The following VIPR1 variants were observed in gnomAD, a reference collection of about 807,000 sequenced individuals.
The protein encoded by VIPR1 is vasoactive intestinal polypeptide receptor 1.
VIPR1 carries 59 observed loss-of-function variants against 58.8 expected under a neutral mutation model. The observed-to-expected ratio is 1.00, with a 90% CI of 0.81 to 1.25. The LOEUF (loss-of-function observed/expected upper bound fraction) is 1.25. Ranked by LOEUF, VIPR1 falls within the 50% of genes most tolerant of loss-of-function variation. The probability of loss-of-function intolerance (pLI) is 0.00; values close to 1 mark genes in which losing one functional copy is unlikely to be tolerated. For missense variants in VIPR1, 626 were observed against 602.7 expected, an observed-to-expected ratio of 1.04 and a Z score of -0.40; for synonymous variants, 251 against 242.1, an observed-to-expected ratio of 1.04 and a Z score of -0.34.
At chr3:42,489,746 A>G (rs1313694236) in intron 1 of VIPR1, 1 of 152,396 alleles carries the variant, frequency 6.6e-6, no homozygotes, top group Non-Finnish European at 1.5e-5. Context: ...TTCCCCATGC[A>G]TTGGCACTCC....
At position 42,536,700 on chromosome 3, in the gene VIPR1, G is replaced by T. The variant is rs182810678; in HGVS notation, c.*419G>T. On this transcript the variant is annotated 3_prime_UTR_variant, in exon 13 of 13. Transcript: ENST00000325123. ...GGGCAGAAAGGTTCTGCCCGGGAAG[G>T]TCACCAGCACCAACACCACGGTAGT... 6.0e-6 allele frequency: 1 copy of T among 166,342 alleles called. No homozygotes were observed. Among genetic ancestry groups the T allele is most frequent in the Non-Finnish European group, 1.3e-5 (1 of 77,860 alleles). The allele number at this position is 166,342 out of a possible 1,614,324, so 10.3% of individuals were successfully genotyped here.
At chr3:42,508,424 T>G (rs979280242) in intron 1 of VIPR1, among the ~76,000 whole-genome samples, 1 of 152,210 alleles carries the variant, frequency 6.6e-6, no homozygotes, top group African/African-American at 2.4e-5. Flanking sequence ...GAGGGGCTAC[T>G]ACTTCCAGGG....
Position 42,531,310 on chromosome 3 carries a change from C to T in VIPR1, c.791-161C>T, listed in dbSNP as rs370198946. 1.3e-4 allele frequency: 98 copies of T among 732,190 alleles called. No homozygotes were observed. The East Asian group carries it at 1.9e-3, about 14-fold the overall frequency. The allele number at this position is 732,190 out of a possible 1,614,324, so 45.4% of individuals were successfully genotyped here. A position where few individuals can be genotyped will look rare whatever the true frequency, so the allele number is the denominator to read the frequency against. ...GCTTCACCCCCTCAGTGGAGCATCC[C>T]TCCGTGGTGAACAACCTATGCAACC... is the stretch of plus-strand genomic sequence containing the variant. On this transcript the variant is annotated intron_variant, in intron 7 of 12. Transcript: ENST00000325123.
chr3:42,493,860 C>A (rs1240016581), intron 1 of VIPR1, among the ~76,000 whole-genome samples: 7 of 152,216 alleles, frequency 4.6e-5, no homozygotes, highest in Non-Finnish European at 1.0e-4. Flanking sequence ...CAATGGGAGC[C>A]CAGACTCTGG....
rs751487490 is a variant in VIPR1, at chr3:42,525,873, T to A, written c.293-14T>A. 1 of 1,597,694 alleles carries A rather than the reference T, an allele frequency of 6.3e-7. No individual in the cohort carries two copies. The highest frequency in any genetic ancestry group is 8.5e-7 in the Non-Finnish European group (1 of 1,172,528). On this transcript the variant is annotated splice_polypyrimidine_tract_variant and intron_variant, in intron 3 of 12. Transcript: ENST00000325123. ...CGGCCTCAGCCTTTGTCCTTGCCCC[T>A]GCCCTCCACCCAGGCCGCAATGTAA... is the stretch of plus-strand genomic sequence containing the variant.
At chr3:42,490,196 C>A (rs879663855) in intron 1 of VIPR1, among the ~76,000 whole-genome samples, 18 of 152,156 alleles carry the variant, frequency 1.2e-4, no homozygotes, top group Non-Finnish European at 2.1e-4. Context: ...GGCCTACCCC[C>A]AAAGAAGGGG....
At chr3:42,524,606 C>G (rs57221862) in intron 3 of VIPR1, among the ~76,000 whole-genome samples, 1,775 of 152,260 alleles carry the variant, frequency 0.012, 38 homozygotes, top group African/African-American at 0.041. Flanking sequence ...GGAGGATTTA[C>G]AGAAATGGTG....
In VIPR1 at chr3:42,532,310, G is replaced by C; in HGVS notation, c.987G>C (p.Arg329Ser). The C allele has an allele frequency of 6.2e-7, 1 of 1,614,112 alleles. No homozygotes were observed. Among genetic ancestry groups the C allele is most frequent in the Non-Finnish European group, 8.5e-7 (1 of 1,180,030 alleles). The change falls in exon 10 of 13, where the codon AGG becomes AGC. Residue 329 changes from arginine (R) to serine (S), a missense_variant. Arg to Ser is a moderately radical substitution (Grantham distance 110). Coordinates refer to ENST00000325123, the MANE Select transcript of VIPR1 (RefSeq NM_004624.4). Reference sequence around the variant, plus strand: ...AGAAACTGCGGCCCCCAGATATCAGGAAGAGTGACAGCAGTCCATACTCGT... The same window carrying C: ...AGAAACTGCGGCCCCCAGATATCAGCAAGAGTGACAGCAGTCCATACTCGT... Reference protein sequence around the residue: ...LLQKLRPPDIRKSDSSPYSRL... With the variant: ...LLQKLRPPDISKSDSSPYSRL...
chr3:42,526,991 C>T (rs950913455), intron 4 of VIPR1, among the ~76,000 whole-genome samples: 6 of 152,112 alleles, frequency 3.9e-5, no homozygotes, highest in South Asian at 2.1e-4. Context: ...GACAGGGCCT[C>T]GAGGGGTGTC....
chr3:42,531,438 T>C, intron 7 of VIPR1, 33 bp from the exon 8 acceptor site: 1 of 1,557,900 alleles, frequency 6.4e-7, no homozygotes, highest in Non-Finnish European at 8.7e-7. Flanking sequence ...TCCTGTGCCC[T>C]CTCTGCTCTT....
intron 2 of VIPR1, among the ~76,000 whole-genome samples, chr3:42,518,006 CT>C (rs918601954): frequency 9.4e-5 from 14 of 148,560 alleles, no homozygotes; most frequent in African/African-American, 1.2e-4. Context: ...GCATCTAGTT[CT>C]TTTTTTTTTG....
In VIPR1 at chr3:42,536,400, G is replaced by T; in HGVS notation, c.*119G>T. On this transcript the variant is annotated 3_prime_UTR_variant, in exon 13 of 13. Coordinates refer to ENST00000325123, the MANE Select transcript of VIPR1 (RefSeq NM_004624.4). ...AGCCCCGGCCCTGGGCTCGGAGGCT[G>T]CCCCCGGCCCCCTGGTCTCTGGTCC... The T allele has an allele frequency of 9.1e-7, 1 of 1,095,880 alleles. No individual in the cohort carries two copies. The highest frequency in any genetic ancestry group is 1.7e-5 in the South Asian group (1 of 57,878). 67.9% of individuals were successfully genotyped at this position (1,095,880 alleles called of 1,614,324 possible).
Position 42,528,002 on chromosome 3 carries a change from G to C in VIPR1, c.515G>C (p.Cys172Ser), listed in dbSNP as rs749896105. Reference sequence around the variant, plus strand: ...CCCACCCCACACAGGAAGCTCCACTGCACGCGGAACTACATCCACATGCAC... The same window carrying C: ...CCCACCCCACACAGGAAGCTCCACTCCACGCGGAACTACATCCACATGCAC... The part of the protein sequence containing the change: ...AILSLFRKLH[C>S]TRNYIHMHLF... The change falls in exon 6 of 13, where the codon TGC becomes TCC. Residue 172 changes from cysteine (C) to serine (S), a missense_variant. By Grantham distance (112) the Cys-to-Ser change is moderately radical. Transcript: ENST00000325123. The C allele has an allele frequency of 6.2e-7, 1 of 1,613,938 alleles. No homozygotes were observed. The highest frequency in any genetic ancestry group is 8.5e-7 in the Non-Finnish European group (1 of 1,179,906).
chr3:42,504,061 T>C (rs939210081), intron 1 of VIPR1, among the ~76,000 whole-genome samples: 1 of 152,138 alleles, frequency 6.6e-6, no homozygotes, highest in Admixed American at 6.5e-5. Context: ...ATGACAGCCA[T>C]GAGACCCACC....
At position 42,531,820 on chromosome 3, in the gene VIPR1, A is replaced by G; in HGVS notation, c.869A>G (p.Asn290Ser). 1 of 1,613,142 alleles carries G rather than the reference A, an allele frequency of 6.2e-7. No individual in the cohort carries two copies. The highest frequency in any genetic ancestry group is 1.1e-5 in the South Asian group (1 of 91,028). Residue 290 changes from asparagine to serine, a missense_variant, in exon 9 of 13, where the codon AAC (asparagine) becomes AGC (serine). Coordinates refer to ENST00000325123, the MANE Select transcript of VIPR1 (RefSeq NM_004624.4). ...CTGCTCAGGTGCTGGGACACCATCAACTCCTCACTGTGGTGGATCATAAAG... is the reference window on the plus strand; with the variant it reads ...CTGCTCAGGTGCTGGGACACCATCAGCTCCTCACTGTGGTGGATCATAAAG... ...FEDYGCWDTI[N>S]SSLWWIIKGP...
At chr3:42,511,807 C>T (rs889945480) in intron 1 of VIPR1, 3 of 152,066 alleles carry the variant, frequency 2.0e-5, no homozygotes, top group African/African-American at 4.8e-5. Flanking sequence ...TTCCAGAAGC[C>T]ACCTCTGAGA....
At chr3:42,513,986 G>T in intron 2 of VIPR1, 132 bp downstream of exon 2, 1 of 1,019,418 alleles carries the variant, frequency 9.8e-7, no homozygotes, top group Non-Finnish European at 1.4e-6. Context: ...TGGGGAGCCA[G>T]ATGGAAGAAG....
At chr3:42,534,328 A>G (rs1701734430) in intron 10 of VIPR1, 1 of 152,334 alleles carries the variant, frequency 6.6e-6, no homozygotes, top group African/African-American at 2.4e-5. Context: ...ATATGTGGTC[A>G]GCACCCAGTT....
intron 3 of VIPR1, among the ~76,000 whole-genome samples, chr3:42,520,128 G>A (rs938204204): frequency 2.0e-5 from 3 of 152,188 alleles, no homozygotes; most frequent in Non-Finnish European, 4.4e-5. Context: ...GAACCACCAG[G>A]CAAAGATCCC....
Sources: gnomAD v4.1 joint callset for allele counts (sites outside exome capture counted in the v4.1 genomes callset) on GRCh38, gnomAD v4.1.1 for gene constraint, MANE v1.5 for transcripts, NCBI Gene and HGNC (gene_info 2026-07-23, HGNC 2026-07-21) for gene names.